Variants in OPRM1 observed in about 807,000 individuals in gnomAD.
OPRM1 encodes mu-type opioid receptor.
A neutral mutation model predicts 31.8 loss-of-function variants in OPRM1; 27 were observed. That is an observed-to-expected ratio of 0.85 (90% CI 0.63 to 1.17). OPRM1 has a LOEUF of 1.17. Ranked by LOEUF, OPRM1 falls within the 50% of genes most tolerant of loss-of-function variation. The pLI, the probability that OPRM1 is intolerant of heterozygous loss-of-function variation, is 0.00. For missense variants in OPRM1, 536 were observed against 511.1 expected (o/e 1.05, Z -0.47); for synonymous variants, 196 against 189.9 (o/e 1.03, Z -0.26).
At chr6:154,217,777 C>A (rs1778531900) in intron 3 of OPRM1, among the ~76,000 whole-genome samples, 1 of 152,064 alleles carries the variant, frequency 6.6e-6, no homozygotes, top group Non-Finnish European at 1.5e-5. Context: ...TAAGTTTATT[C>A]TCCCTCAAAA....
At chr6:154,075,666 G>T (rs1787743428) in intron 1 of OPRM1, among the ~76,000 whole-genome samples, 1 of 152,012 alleles carries the variant, frequency 6.6e-6, no homozygotes, top group Non-Finnish European at 1.5e-5. Context: ...GGGCCAGGCT[G>T]GTCTCAAACT....
chr6:154,118,636 A>C, intron 3 of OPRM1, 47 bp from the exon 4 acceptor site: 14 of 1,587,056 alleles, frequency 8.8e-6, no homozygotes, highest in Non-Finnish European at 9.5e-6. Flanking sequence ...TGTGTGTTGC[A>C]ACCGTATCTG....
chr6:154,178,278 T>G (rs1800529840), intron 3 of OPRM1, among the ~76,000 whole-genome samples: 1 of 152,132 alleles, frequency 6.6e-6, no homozygotes, highest in African/African-American at 2.4e-5. Context: ...TCCTAGAACT[T>G]AAAGTATAAT....
chr6:154,170,790 G>C (rs1264678960), intron 3 of OPRM1, among the ~76,000 whole-genome samples: 1 of 152,224 alleles, frequency 6.6e-6, no homozygotes. Flanking sequence ...ACAGACAGTA[G>C]TAAGTGTGGA....
intron 3 of OPRM1, among the ~76,000 whole-genome samples, chr6:154,245,252 C>T (rs1255711369): frequency 2.0e-5 from 3 of 151,810 alleles, no homozygotes; most frequent in Admixed American, 6.6e-5. Context: ...TCCCTTAAAA[C>T]TTTGATAAAG....
At chr6:154,157,449 A>G (rs1798761683) in intron 3 of OPRM1, 1 of 152,268 alleles carries the variant, frequency 6.6e-6, no homozygotes, top group Non-Finnish European at 1.5e-5. Context: ...CTAGCAAAGC[A>G]AAAACTTCTA....
rs1335245659 is a variant in OPRM1 at position 154,118,791 on chromosome 6, A to C, written c.*70A>C. 3 of 1,602,976 alleles carry C rather than the reference A, an allele frequency of 1.9e-6. No individual in the cohort carries two copies. The highest frequency in any genetic ancestry group is 2.7e-5 in the African/African-American group (2 of 74,536). On this transcript the variant is annotated 3_prime_UTR_variant, in exon 4 of 4. Transcript: ENST00000330432. Reference sequence around the variant, plus strand: ...CATGTATGTGGAAGCAGGTTGCTTCAAGAATGTGTAGGAGGCTCTAATTCT... The same window carrying C: ...CATGTATGTGGAAGCAGGTTGCTTCCAGAATGTGTAGGAGGCTCTAATTCT...
chr6:154,027,618 G>A (rs763220885), intron 1 of OPRM1, among the ~76,000 whole-genome samples: 8 of 152,208 alleles, frequency 5.3e-5, no homozygotes, highest in African/African-American at 7.2e-5. Context: ...CAAGAGCCAC[G>A]TTCTAGAGTC....
chr6:154,133,700 T>C (rs1297312076), downstream of OPRM1, among the ~76,000 whole-genome samples: 1 of 152,196 alleles, frequency 6.6e-6, no homozygotes, highest in East Asian at 1.9e-4. Flanking sequence ...GGCAGTCCAA[T>C]GTGTGTTGGT....
chr6:154,123,676 A>C lies in OPRM1; in HGVS notation c.*4955A>C, dbSNP rs558567627. The stretch of plus-strand genomic sequence containing the variant: ...TGGGTTTTCTGGGAAAGGAGTGGGC[A>C]ATTCCCAGAACTGAGGGTTCTTCCC... On this transcript the variant is annotated 3_prime_UTR_variant, in exon 4 of 4. Transcript: ENST00000330432. Among the ~76,000 whole-genome samples the C allele has an allele frequency of 1.3e-5, 2 of 152,336 alleles. No individual in the cohort carries two copies. Among genetic ancestry groups the C allele is most frequent in the Non-Finnish European group, 2.9e-5 (2 of 68,036 alleles).
downstream of OPRM1, among the ~76,000 whole-genome samples, chr6:154,134,146 A>T (rs963739769): frequency 2.0e-5 from 3 of 152,244 alleles, no homozygotes; most frequent in African/African-American, 7.2e-5. Context: ...AAAGATCACT[A>T]GGAGGCAACA....
At chr6:154,242,045 C>T (rs551115834) in intron 3 of OPRM1, among the ~76,000 whole-genome samples, 2 of 152,256 alleles carry the variant, frequency 1.3e-5, no homozygotes, top group East Asian at 3.9e-4. Flanking sequence ...CAGTAAACTC[C>T]CTTGAAAAAT....
chr6:154,081,294 G>C (rs11752855), intron 1 of OPRM1, among the ~76,000 whole-genome samples: 4 of 152,174 alleles, frequency 2.6e-5, no homozygotes, highest in Admixed American at 2.0e-4. Flanking sequence ...ACGAGGTCAG[G>C]AGATTGAGAC....
chr6:154,025,919 TA>T (rs1388755634), intron 1 of OPRM1, among the ~76,000 whole-genome samples: 3 of 152,272 alleles, frequency 2.0e-5, no homozygotes, highest in Admixed American at 6.5e-5. Flanking sequence ...CTGTAGTTAT[TA>T]TTTTTTATTG....
At chr6:154,066,138 A>G (rs1785354339) in intron 1 of OPRM1, among the ~76,000 whole-genome samples, 1 of 152,124 alleles carries the variant, frequency 6.6e-6, no homozygotes, top group Admixed American at 6.5e-5. Context: ...ATAATGTATA[A>G]TCCTCTCAAT....
intron 3 of OPRM1, among the ~76,000 whole-genome samples, chr6:154,148,903 C>G (rs1285692466): frequency 6.6e-6 from 1 of 152,200 alleles, no homozygotes; most frequent in East Asian, 1.9e-4. Flanking sequence ...ATACCCCTAC[C>G]TTAACACAGA....
intron 1 of OPRM1, among the ~76,000 whole-genome samples, chr6:154,047,165 T>C (rs527260177): frequency 6.7e-6 from 1 of 148,598 alleles, no homozygotes; most frequent in Admixed American, 6.7e-5. Context: ...AACCCCATCA[T>C]GTTTCATTCC....
At chr6:154,193,769 G>A (rs9479789) in intron 3 of OPRM1, among the ~76,000 whole-genome samples, 13,618 of 152,250 alleles carry the variant, frequency 0.089, 886 homozygotes, top group African/African-American at 0.18. Context: ...GCCTGTGACA[G>A]GTCACTTTGG....
At position 154,240,659 on chromosome 6, in the gene OPRM1, TAGAG is replaced by T. The variant is rs886743775; in HGVS notation, c.1165-6032_1165-6029del. 1.2e-4 allele frequency among the ~76,000 whole-genome samples: 19 copies of T among 152,310 alleles called. 2 individuals are homozygous for T. Among genetic ancestry groups the T allele is most frequent in the Admixed American group, 3.9e-4 (6 of 15,308 alleles). ...GTAAAAAGTGATTAGATCTTCACTA[TAGAG>T]ATTCTCATAAAACTGATTTCAAGAA... On this transcript the variant is annotated intron_variant, in intron 3 of 3. Transcript: ENST00000337049.
Sources: gnomAD v4.1 joint callset for allele counts (sites outside exome capture counted in the v4.1 genomes callset) on GRCh38, gnomAD v4.1.1 for gene constraint, MANE v1.5 for transcripts, NCBI Gene and HGNC (gene_info 2026-07-23, HGNC 2026-07-21) for gene names.